The following DHRS9 variants were observed in gnomAD, a reference collection of about 807,000 sequenced individuals.
The protein encoded by DHRS9 is dehydrogenase/reductase 9, also known as dehydrogenase/reductase SDR family member 9.
Under a neutral mutation model 26.6 loss-of-function variants are expected in DHRS9, and 18 were observed. The ratio of observed to expected loss-of-function variants is 0.68; its 90% CI spans 0.47 to 1.00. The LOEUF is 1.00. DHRS9 is among the 50% of genes least tolerant of loss of function. The pLI is 0.00. For synonymous variants in DHRS9, 134 were observed against 141.1 expected, an observed-to-expected ratio of 0.95 and a Z score of 0.36; for missense variants, 425 against 378.7, an observed-to-expected ratio of 1.12 and a Z score of -1.01.
At chr2:169,081,287 C>T in intron 1 of DHRS9, 6 of 802,008 alleles carry the variant, frequency 7.5e-6, no homozygotes, top group Non-Finnish European at 1.0e-5. Context: ...CTCCCCTCTC[C>T]CTCTCTTCCA....
At chr2:169,075,959 G>A (rs1683950744) in intron 1 of DHRS9, among the ~76,000 whole-genome samples, 2 of 152,146 alleles carry the variant, frequency 1.3e-5, no homozygotes, top group African/African-American at 2.4e-5. Flanking sequence ...GTATATGACA[G>A]GGAGATTCTT....
intron 1 of DHRS9, chr2:169,070,952 T>C (rs1229970060): frequency 1.9e-5 from 3 of 160,524 alleles, no homozygotes; most frequent in African/African-American, 7.2e-5. Flanking sequence ...TAGTCCCAGC[T>C]ACTTGGGAGG....
In DHRS9 at chr2:169,091,825, G is replaced by T. The variant is rs1684537333; in HGVS notation, c.608G>T (p.Cys203Phe). The T allele has an allele frequency of 1.2e-6, 2 of 1,613,856 alleles. No individual in the cohort carries two copies. The highest frequency in any genetic ancestry group is 1.7e-4 in the Middle Eastern group (1 of 6,058). The change falls in exon 4 of 5, where the codon TGC becomes TTC. Residue 203 changes from cysteine (C) to phenylalanine (F), a missense_variant. Transcript: ENST00000674881. ...AAAGCTTTTGGTGTGCACGTCTCAT[G>T]CATTGAACCAGGATTGTTCAAAACA... The part of the protein sequence containing the change: ...DMKAFGVHVS[C>F]IEPGLFKTNL...
In DHRS9 at chr2:169,086,120, G is replaced by A. The variant is rs961095481; in HGVS notation, c.572+2533G>A. 2.0e-4 allele frequency among the ~76,000 whole-genome samples: 30 copies of A among 151,826 alleles called. 1 individual carries two copies. The highest frequency in any genetic ancestry group is 1.9e-3 in the Admixed American group (29 of 15,252). On this transcript the variant is annotated intron_variant, in intron 3 of 4. Transcript: ENST00000674881. Reference sequence around the variant, plus strand: ...CCTCCTCTATAAAGCCAGTAACTCAGATTTGCCCTTTTGAGGCTATTTTTT... The same window carrying A: ...CCTCCTCTATAAAGCCAGTAACTCAAATTTGCCCTTTTGAGGCTATTTTTT...
At chr2:169,078,815 CTTTTTTTTTT>C (rs200691133) in intron 1 of DHRS9, among the ~76,000 whole-genome samples, 5 of 110,366 alleles carry the variant, frequency 4.5e-5, no homozygotes, top group South Asian at 3.0e-4. Flanking sequence ...TATCAACTGA[CTTTTTTTTTT>C]TTTTTTTTTT....
intron 1 of DHRS9, 94 bp from the exon 2 acceptor site, chr2:169,081,429 A>C: frequency 3.6e-6 from 5 of 1,375,192 alleles, no homozygotes; most frequent in Non-Finnish European, 4.8e-6. Flanking sequence ...ATTTATCCAC[A>C]CTAATGCATT....
chr2:169,082,438 C>T (rs1358477194), intron 2 of DHRS9, among the ~76,000 whole-genome samples: 1 of 152,122 alleles, frequency 6.6e-6, no homozygotes, highest in Non-Finnish European at 1.5e-5. Flanking sequence ...TGACTGTATT[C>T]TGAACTAGAA....
intron 1 of DHRS9, among the ~76,000 whole-genome samples, chr2:169,078,286 C>T (rs1423308992): frequency 6.6e-6 from 1 of 152,192 alleles, no homozygotes; most frequent in African/African-American, 2.4e-5. Flanking sequence ...CTGTGACTCC[C>T]TCGTGCATGC....
Position 169,083,442 on chromosome 2 carries a change from A to G in DHRS9, c.427A>G (p.Ser143Gly). Residue 143 changes from serine (S) to glycine (G), a missense_variant, in exon 3 of 5, where the codon AGT (serine) becomes GGT (glycine). Transcript: ENST00000674881. ...TGAAGTGAACCTGTTTGGACTCATC[A>G]GTGTGACACTAAATATGCTTCCTTT... ...PIEVNLFGLI[S>G]VTLNMLPLVK... is the part of the protein sequence containing the mutation. 1 of 1,614,156 alleles carries G rather than the reference A, an allele frequency of 6.2e-7. No individual in the cohort carries two copies. The highest frequency in any genetic ancestry group is 8.5e-7 in the Non-Finnish European group (1 of 1,180,010).
At chr2:169,079,569 C>T (rs1437215097) in intron 1 of DHRS9, among the ~76,000 whole-genome samples, 1 of 151,694 alleles carries the variant, frequency 6.6e-6, no homozygotes, top group Non-Finnish European at 1.5e-5. Context: ...AAAATAAAGT[C>T]CAGGCTGGGC....
intron 4 of DHRS9, among the ~76,000 whole-genome samples, chr2:169,092,878 GTCT>G (rs1375274865): frequency 6.6e-6 from 1 of 152,050 alleles, no homozygotes; most frequent in Non-Finnish European, 1.5e-5. Flanking sequence ...TCTTATTATC[GTCT>G]TCATTTTATA....
At chr2:169,077,842 C>A (rs1032620632) in intron 1 of DHRS9, among the ~76,000 whole-genome samples, 1 of 152,184 alleles carries the variant, frequency 6.6e-6, no homozygotes, top group African/African-American at 2.4e-5. Context: ...CCCTCATCTA[C>A]TTTCCCCTCT....
At position 169,079,983 on chromosome 2, in the gene DHRS9, GAGAAAGAAAGAAAGAA is replaced by G. The variant is rs1279888912; in HGVS notation, c.-59-1486_-59-1471del. Among the ~76,000 whole-genome samples the G allele has an allele frequency of 5.9e-3, 278 of 46,804 alleles. 8 individuals are homozygous for G. Among genetic ancestry groups the G allele is most frequent in the African/African-American group, 0.013 (137 of 10,774 alleles). 30.7% of individuals were successfully genotyped at this position (46,804 alleles called of 152,430 possible). A position where few individuals can be genotyped will look rare whatever the true frequency, so the allele number is the denominator to read the frequency against. ...AGAGAGAGAGAGAGAGAGAGAGAGAGAGAAAGAAAGAAAGAAAGAAAGAAAGAAAGAAAGAAAGAAA... is the reference window on the plus strand; with the variant it reads ...AGAGAGAGAGAGAGAGAGAGAGAGAGAGAAAGAAAGAAAGAAAGAAAGAAA... On this transcript the variant is annotated intron_variant, in intron 1 of 4. Coordinates refer to ENST00000674881, the MANE Select transcript of DHRS9 (RefSeq NM_001376924.1).
intron 1 of DHRS9, 149 bp downstream of exon 1, chr2:169,069,866 C>A: frequency 1.3e-6 from 1 of 784,520 alleles, no homozygotes; most frequent in Non-Finnish European, 1.5e-6. Context: ...CATTAGAACC[C>A]AGTGATGGGA....
chr2:169,083,839 A>G (rs2105293666), intron 3 of DHRS9, among the ~76,000 whole-genome samples: 1 of 152,270 alleles, frequency 6.6e-6, no homozygotes, highest in Non-Finnish European at 1.5e-5. Flanking sequence ...TTTGTGTTAC[A>G]AAAAATCCAA....
rs377435191 is a variant in DHRS9, at chr2:169,083,451, C to T, written c.436C>T (p.Leu146=). The change falls in exon 3 of 5, where the codon CTA becomes TTA. Residue 146 remains leucine (L), a synonymous_variant. Transcript: ENST00000674881. ...CCTGTTTGGACTCATCAGTGTGACA[C>T]TAAATATGCTTCCTTTGGTCAAGAA... The part of the protein sequence containing the change: ...VNLFGLISVT[L]NMLPLVKKAQ... 2.5e-6 allele frequency: 4 copies of T among 1,614,068 alleles called. No individual in the cohort carries two copies. Among genetic ancestry groups the T allele is most frequent in the Non-Finnish European group, 3.4e-6 (4 of 1,179,976 alleles).
At chr2:169,078,934 GCC>G (rs1684055733) in intron 1 of DHRS9, among the ~76,000 whole-genome samples, 1 of 27,670 alleles carries the variant, frequency 3.6e-5, no homozygotes, top group Non-Finnish European at 6.8e-5. Context: ...CGATTCTCCT[GCC>G]TGATTCTCCT....
At chr2:169,095,453 C>A (rs189096750) in intron 4 of DHRS9, 91 bp from the exon 5 acceptor site, 24 of 957,200 alleles carry the variant, frequency 2.5e-5, no homozygotes, top group Non-Finnish European at 6.7e-6. Flanking sequence ...CAGAATAAAT[C>A]CCCTTGTATC....
At chr2:169,092,941 G>A (rs916328879) in intron 4 of DHRS9, among the ~76,000 whole-genome samples, 1 of 152,156 alleles carries the variant, frequency 6.6e-6, no homozygotes, top group African/African-American at 2.4e-5. Flanking sequence ...ACCAGTAAGT[G>A]GAAGAGCTAG....
Sources: allele counts gnomAD v4.1 joint callset (sites outside exome capture counted in the v4.1 genomes callset), GRCh38; gene constraint gnomAD v4.1.1; transcripts MANE v1.5; gene names NCBI Gene and HGNC (gene_info 2026-07-23, HGNC 2026-07-21).